WDPCP: variants seen among roughly 807,000 people sequenced by gnomAD.
The protein encoded by WDPCP is WD repeat containing planar cell polarity effector.
WDPCP carries 71 observed loss-of-function variants against 93.1 expected under a neutral mutation model. That is an observed-to-expected ratio of 0.76 (90% CI 0.63 to 0.93). The LOEUF (loss-of-function observed/expected upper bound fraction) is 0.93. WDPCP is among the 40% of genes least tolerant of loss of function. WDPCP has a pLI of 0.00. For missense variants in WDPCP, 844 were observed against 887.4 expected, an observed-to-expected ratio of 0.95 and a Z score of 0.62; for synonymous variants, 315 against 315.0, an observed-to-expected ratio of 1.00 and a Z score of 0.00.
intron 2 of WDPCP, among the ~76,000 whole-genome samples, chr2:63,805,258 C>T (rs760545775): frequency 3.0e-4 from 45 of 152,174 alleles, no homozygotes; most frequent in Non-Finnish European, 4.3e-4. Flanking sequence ...TGAGTGTACC[C>T]ACCCACTTAA....
intron 2 of WDPCP, among the ~76,000 whole-genome samples, chr2:63,722,073 TC>T (rs1322988803): frequency 1.3e-5 from 2 of 152,076 alleles, no homozygotes; most frequent in Non-Finnish European, 2.9e-5. Flanking sequence ...TGATCTCGGC[TC>T]GCTACAACCT....
intron 1 of WDPCP, among the ~76,000 whole-genome samples, chr2:63,538,902 A>G (rs1486400244): frequency 1.3e-5 from 2 of 152,188 alleles, no homozygotes; most frequent in African/African-American, 4.8e-5. Context: ...CTGAAAAATT[A>G]TGTAAGGTGA....
At chr2:63,665,204 T>C (rs569988642) in intron 2 of WDPCP, among the ~76,000 whole-genome samples, 2 of 152,322 alleles carry the variant, frequency 1.3e-5, no homozygotes, top group East Asian at 3.9e-4. Context: ...CGTTGTCTCA[T>C]GGTTCTCAAG....
intron 14 of WDPCP, among the ~76,000 whole-genome samples, chr2:63,220,430 G>C (rs1443631817): frequency 6.6e-6 from 1 of 152,160 alleles, no homozygotes; most frequent in Non-Finnish European, 1.5e-5. Flanking sequence ...GAAATGTTTA[G>C]CTAAAATTGA....
chr2:63,404,717 C>T (rs1159263399), intron 9 of WDPCP, 60 bp from the exon 10 acceptor site: 4 of 1,593,436 alleles, frequency 2.5e-6, no homozygotes, highest in Non-Finnish European at 3.4e-6. Context: ...AACTTCACAC[C>T]TAGGACTGCA....
At chr2:63,205,286 G>C (rs1676255787) in intron 14 of WDPCP, among the ~76,000 whole-genome samples, 1 of 152,038 alleles carries the variant, frequency 6.6e-6, no homozygotes, top group Non-Finnish European at 1.5e-5. Context: ...GATTCTTTTT[G>C]CTTAGGATTG....
At chr2:63,781,939 A>G (rs1012298560) in intron 2 of WDPCP, among the ~76,000 whole-genome samples, 27 of 152,232 alleles carry the variant, frequency 1.8e-4, no homozygotes, top group African/African-American at 6.5e-4. Context: ...GTGTGTGTAT[A>G]TAAAAGGAGA....
intron 2 of WDPCP, among the ~76,000 whole-genome samples, chr2:63,735,835 T>C (rs1453644878): frequency 6.6e-6 from 1 of 152,208 alleles, no homozygotes; most frequent in Non-Finnish European, 1.5e-5. Flanking sequence ...AGAAACAAGC[T>C]TTGACTGACT....
chr2:63,467,885 G>A (rs1699450055), intron 6 of WDPCP, among the ~76,000 whole-genome samples: 1 of 151,830 alleles, frequency 6.6e-6, no homozygotes, highest in African/African-American at 2.4e-5. Flanking sequence ...AATGTTGTGT[G>A]TATACACAAA....
intron 13 of WDPCP, among the ~76,000 whole-genome samples, chr2:63,268,527 C>T (rs1414728038): frequency 6.6e-6 from 1 of 152,150 alleles, no homozygotes; most frequent in Non-Finnish European, 1.5e-5. Flanking sequence ...AGTACAATGG[C>T]ACAACCATGG....
In WDPCP at chr2:63,331,751, T is replaced by C. The variant is rs367816020; in HGVS notation, c.1749-18440A>G. Among the ~76,000 whole-genome samples, 9 of 152,314 alleles carry C rather than the reference T, an allele frequency of 5.9e-5. No individual in the cohort carries two copies. The East Asian group carries it at 1.5e-3, about 26-fold the overall frequency. On this transcript the variant is annotated intron_variant, in intron 12 of 17. Transcript: ENST00000272321. Reference sequence around the variant, plus strand: ...GTCACTATACTTTTGCTTTTTTTCCTAGCATGTCATATGTTTGATATCAAA... The same window carrying C: ...GTCACTATACTTTTGCTTTTTTTCCCAGCATGTCATATGTTTGATATCAAA...
intron 12 of WDPCP, among the ~76,000 whole-genome samples, chr2:63,345,246 T>TCC (rs1269173592): frequency 6.6e-6 from 1 of 152,174 alleles, no homozygotes; most frequent in East Asian, 1.9e-4. Flanking sequence ...TATTTTCATG[T>TCC]TAGGACTACA....
chr2:63,324,633 G>C (rs1191564051), intron 12 of WDPCP, among the ~76,000 whole-genome samples: 1 of 152,220 alleles, frequency 6.6e-6, no homozygotes, highest in African/African-American at 2.4e-5. Context: ...TTAATGAAAA[G>C]AATGCAGCTT....
intron 2 of WDPCP, among the ~76,000 whole-genome samples, chr2:63,677,086 T>C (rs1030652504): frequency 2.6e-5 from 4 of 152,226 alleles, no homozygotes; most frequent in Admixed American, 1.3e-4. Context: ...ATCTCTGAAG[T>C]AGAGTCCAGG....
intron 3 of WDPCP, among the ~76,000 whole-genome samples, chr2:63,609,133 G>A (rs262489): frequency 0.8 from 122,079 of 152,070 alleles, 49,664 homozygotes; most frequent in East Asian, 0.98. Flanking sequence ...TTGGGAGGCC[G>A]AGGCGGGCAG....
intron 15 of WDPCP, among the ~76,000 whole-genome samples, chr2:63,161,059 T>A (rs1380216961): frequency 6.6e-6 from 1 of 152,200 alleles, no homozygotes; most frequent in Non-Finnish European, 1.5e-5. Flanking sequence ...AGTGTATCTG[T>A]GGGAAGAAGC....
At chr2:63,611,081 G>C (rs898269339) in intron 3 of WDPCP, among the ~76,000 whole-genome samples, 3 of 152,146 alleles carry the variant, frequency 2.0e-5, no homozygotes, top group African/African-American at 4.8e-5. Flanking sequence ...TTAGGTGACA[G>C]TGCAAGACCC....
At chr2:63,777,426 C>T (rs185822699) in intron 2 of WDPCP, among the ~76,000 whole-genome samples, 11 of 152,170 alleles carry the variant, frequency 7.2e-5, no homozygotes, top group East Asian at 5.8e-4. Context: ...TTAAACATAC[C>T]GCTACCATAT....
chr2:63,492,165 A>T (rs1008430010), intron 2 of WDPCP, among the ~76,000 whole-genome samples: 2 of 152,168 alleles, frequency 1.3e-5, no homozygotes, highest in African/African-American at 4.8e-5. Flanking sequence ...CTTAGTAATG[A>T]TGCTTAAAAG....
Sources: allele counts gnomAD v4.1 joint callset (sites outside exome capture counted in the v4.1 genomes callset), GRCh38; gene constraint gnomAD v4.1.1; transcripts MANE v1.5; gene names NCBI Gene and HGNC (gene_info 2026-07-23, HGNC 2026-07-21).